Variants in RTKN2 observed in about 807,000 individuals in gnomAD.
RTKN2 encodes the protein rhotekin 2.
Under a neutral mutation model 71.5 loss-of-function variants are expected in RTKN2, and 69 were observed. The observed-to-expected ratio is 0.96, with a 90% CI of 0.79 to 1.18. RTKN2 has a LOEUF of 1.18. Among genes scored for constraint, RTKN2 ranks in the 50% most tolerant of loss-of-function variants. The pLI, the probability that RTKN2 is intolerant of heterozygous loss-of-function variation, is 0.00. For synonymous variants in RTKN2, 236 were observed against 236.5 expected (o/e 1.00, Z 0.02); for missense variants, 724 against 719.7 (o/e 1.01, Z -0.07).
At chr10:62,191,950 T>C (rs2132766547), downstream of RTKN2, among the ~76,000 whole-genome samples, 2 of 152,266 alleles carry the variant, frequency 1.3e-5, no homozygotes, top group South Asian at 4.1e-4. Context: ...ACATACTATA[T>C]GTCAACCTAT....
At position 62,193,384 on chromosome 10, in the gene RTKN2, CG is replaced by C. The variant is rs773518998; in HGVS notation, c.*4523del. The C allele has an allele frequency of 2.4e-4, 240 of 981,744 alleles. No homozygotes were observed. The highest frequency in any genetic ancestry group is 2.8e-4 in the Non-Finnish European group (232 of 826,646). The allele number at this position is 981,744 out of a possible 1,614,324, so 60.8% of individuals were successfully genotyped here. On this transcript the variant is annotated 3_prime_UTR_variant, in exon 12 of 12. Coordinates refer to ENST00000373789, the MANE Select transcript of RTKN2 (RefSeq NM_145307.4). ...GGAATGATCTTTTCTAATTATTAAA[CG>C]TGTCAGCATTAGTATTTTCTCCCAT...
rs1189241270 is a variant in RTKN2 at position 62,196,223 on chromosome 10, T to C, written c.*1685A>G. 1.0e-6 allele frequency: 1 copy of C among 970,818 alleles called. No homozygotes were observed. The highest frequency in any genetic ancestry group is 1.8e-5 in the African/African-American group (1 of 56,908). 60.1% of individuals were successfully genotyped at this position (970,818 alleles called of 1,614,324 possible). On this transcript the variant is annotated 3_prime_UTR_variant, in exon 12 of 12. Transcript: ENST00000373789. The stretch of plus-strand genomic sequence containing the variant: ...CCTTTAGATTTTTAATGTCATTTAT[T>C]GAAATGGCAATCATAACAGAAACTT...
In RTKN2 at chr10:62,184,533, C is replaced by A. The variant is rs769339939; in HGVS notation, c.862-146G>T. 2.2e-5 allele frequency: 11 copies of A among 505,058 alleles called. 1 individual carries two copies. The highest frequency in any genetic ancestry group is 3.5e-5 in the Non-Finnish European group (10 of 289,426). 31.3% of individuals were successfully genotyped at this position (505,058 alleles called of 1,614,324 possible). On this transcript the variant is annotated intron_variant, in intron 8 of 8. Transcript: ENST00000315289. ...TGAGTTGTCTTAATATGTAAAAAAGCCTTTCTTAGAACTGGAACTTACAAG... is the reference window on the plus strand; with the variant it reads ...TGAGTTGTCTTAATATGTAAAAAAGACTTTCTTAGAACTGGAACTTACAAG...
At chr10:62,260,715 A>G (rs1842757456) in intron 2 of RTKN2, among the ~76,000 whole-genome samples, 3 of 152,230 alleles carry the variant, frequency 2.0e-5, no homozygotes, top group African/African-American at 7.2e-5. Context: ...GCAACTTCAG[A>G]AAAGCCACAC....
chr10:62,206,941 G>T (rs1478928124), intron 9 of RTKN2, among the ~76,000 whole-genome samples: 2 of 151,906 alleles, frequency 1.3e-5, no homozygotes, highest in Non-Finnish European at 2.9e-5. Flanking sequence ...GCTCTAGGAA[G>T]AATCTTTGAT....
At chr10:62,235,632 T>C (rs1047599077) in intron 6 of RTKN2, among the ~76,000 whole-genome samples, 5 of 151,608 alleles carry the variant, frequency 3.3e-5, no homozygotes, top group African/African-American at 9.7e-5. Context: ...ATTAAAAATA[T>C]CATGGAAAAT....
intron 2 of RTKN2, among the ~76,000 whole-genome samples, chr10:62,254,339 C>A (rs561349704): frequency 6.6e-6 from 1 of 152,110 alleles, no homozygotes; most frequent in Non-Finnish European, 1.5e-5. Context: ...GCTCTTCCGT[C>A]GCCATGTGAA....
At chr10:62,219,697 C>T (rs551414695) in intron 7 of RTKN2, among the ~76,000 whole-genome samples, 1 of 151,814 alleles carries the variant, frequency 6.6e-6, no homozygotes, top group African/African-American at 2.4e-5. Context: ...GCCTGTAGTC[C>T]CAGCTACTCC....
intron 5 of RTKN2, chr10:62,239,296 C>T (rs1398679493): frequency 1.3e-5 from 2 of 159,490 alleles, no homozygotes; most frequent in African/African-American, 4.8e-5. Flanking sequence ...CTGTTTTATG[C>T]TTAAATTCTC....
chr10:62,259,680 T>C lies in RTKN2; in HGVS notation c.257+2945A>G, dbSNP rs146671418. Among the ~76,000 whole-genome samples, 3 of 152,264 alleles carry C rather than the reference T, an allele frequency of 2.0e-5. No individual in the cohort carries two copies. In the East Asian group the frequency reaches 5.8e-4, roughly 29 times the overall value. On this transcript the variant is annotated intron_variant, in intron 2 of 11. Coordinates refer to ENST00000373789, the MANE Select transcript of RTKN2 (RefSeq NM_145307.4). ...AATCCTCCCGCCTCAGTCTCTTGAGTAGCTGGGAGTACAGGCACATGCCAC... is the reference window on the plus strand; with the variant it reads ...AATCCTCCCGCCTCAGTCTCTTGAGCAGCTGGGAGTACAGGCACATGCCAC...
chr10:62,264,207 T>C (rs1036984223), intron 1 of RTKN2, among the ~76,000 whole-genome samples: 4 of 152,208 alleles, frequency 2.6e-5, no homozygotes, highest in African/African-American at 4.8e-5. Flanking sequence ...CTAATAGTTT[T>C]TGAAGACTAC....
chr10:62,232,063 T>A (rs1842160419), intron 6 of RTKN2, among the ~76,000 whole-genome samples: 1 of 152,160 alleles, frequency 6.6e-6, no homozygotes, highest in Non-Finnish European at 1.5e-5. Flanking sequence ...GGTTTTATTG[T>A]ATCTTTTGAC....
chr10:62,193,507 T>C lies in RTKN2; in HGVS notation c.*4401A>G. 2 of 982,282 alleles carry C rather than the reference T, an allele frequency of 2.0e-6. No homozygotes were observed. Among genetic ancestry groups the C allele is most frequent in the Non-Finnish European group, 2.4e-6 (2 of 827,068 alleles). The allele number at this position is 982,282 out of a possible 1,614,324, so 60.8% of individuals were successfully genotyped here. ...TTGTTTCTCTAAGCACATTGATTAG[T>C]AGGCCTCTCTCTGTAAAGTATTTTT... On this transcript the variant is annotated 3_prime_UTR_variant, in exon 12 of 12. Transcript: ENST00000373789.
At chr10:62,231,047 C>T (rs1027712326) in intron 6 of RTKN2, among the ~76,000 whole-genome samples, 8 of 152,094 alleles carry the variant, frequency 5.3e-5, no homozygotes, top group Non-Finnish European at 1.0e-4. Context: ...TTAACAGTCT[C>T]GTTCCTCAAA....
At chr10:62,262,363 TA>T (rs749602985) in intron 2 of RTKN2, among the ~76,000 whole-genome samples, 5 of 152,238 alleles carry the variant, frequency 3.3e-5, no homozygotes, top group Non-Finnish European at 7.3e-5. Flanking sequence ...ACTTTCTTCT[TA>T]AAATGCTCCC....
chr10:62,207,002 C>T (rs1469438952), intron 9 of RTKN2, among the ~76,000 whole-genome samples: 2 of 151,846 alleles, frequency 1.3e-5, no homozygotes, highest in Non-Finnish European at 2.9e-5. Flanking sequence ...AGGGGAAAAA[C>T]CCTCTATTGT....
intron 6 of RTKN2, among the ~76,000 whole-genome samples, chr10:62,226,933 C>T (rs1842037136): frequency 6.6e-6 from 1 of 152,112 alleles, no homozygotes; most frequent in African/African-American, 2.4e-5. Context: ...TGCACTCCAG[C>T]CTGAGTGACA....
chr10:62,213,561 A>G (rs1841705149), intron 9 of RTKN2, among the ~76,000 whole-genome samples: 1 of 152,148 alleles, frequency 6.6e-6, no homozygotes, highest in African/African-American at 2.4e-5. Flanking sequence ...TAGGTGACAT[A>G]AGAGTTATTT....
At chr10:62,205,081 A>C in intron 9 of RTKN2, 59 bp from the exon 10 acceptor site, 1 of 1,342,714 alleles carries the variant, frequency 7.4e-7, no homozygotes, top group South Asian at 1.4e-5. Context: ...ATGATCAAAC[A>C]AATGTTTTAT....
Sources: gnomAD v4.1 joint callset for allele counts (sites outside exome capture counted in the v4.1 genomes callset) on GRCh38, gnomAD v4.1.1 for gene constraint, MANE v1.5 for transcripts, NCBI Gene and HGNC (gene_info 2026-07-23, HGNC 2026-07-21) for gene names.